The following PRRX2 variants were observed in gnomAD, a reference collection of about 807,000 sequenced individuals.
PRRX2 encodes paired related homeobox 2, also known as paired mesoderm homeobox protein 2.
In PRRX2, 11 loss-of-function variants were observed where a neutral mutation model predicts 18.0. That is an observed-to-expected ratio of 0.61 (90% CI 0.39 to 1.01). PRRX2 has a LOEUF of 1.01. Ranked by LOEUF, PRRX2 falls within the 50% of genes least tolerant of loss-of-function variation. The probability of loss-of-function intolerance (pLI) is 0.01; values close to 1 mark genes in which losing one functional copy is unlikely to be tolerated. For missense variants in PRRX2, 387 were observed against 351.0 expected (o/e 1.10, Z -0.82); for synonymous variants, 177 against 154.8 (o/e 1.14, Z -1.06).
rs1832701699 is a variant in PRRX2, at chr9:129,715,965, G to A, written c.260-3266G>A. 6.6e-6 allele frequency among the ~76,000 whole-genome samples: 1 copy of A among 152,160 alleles called. No homozygotes were observed. The highest frequency in any genetic ancestry group is 2.1e-4 in the South Asian group (1 of 4,832). ...TAACAGTTCACTGAACAAATGCCCA[G>A]TACTGTGCAAAGAACATCGGGTGTA... On this transcript the variant is annotated intron_variant, in intron 1 of 3. Coordinates refer to ENST00000372469, the MANE Select transcript of PRRX2 (RefSeq NM_016307.4). The surrounding 1 kb of genome is among the most constrained non-coding windows in gnomAD (Gnocchi z 4.0).
At chr9:129,672,667 G>A (rs944273871) in intron 1 of PRRX2, among the ~76,000 whole-genome samples, 5 of 152,176 alleles carry the variant, frequency 3.3e-5, no homozygotes, top group Admixed American at 6.5e-5. Flanking sequence ...AGGGAGATGG[G>A]TCAGGCCTGG....
intron 1 of PRRX2, among the ~76,000 whole-genome samples, chr9:129,701,609 C>G (rs570812220): frequency 6.6e-6 from 1 of 152,236 alleles, no homozygotes; most frequent in African/African-American, 2.4e-5. Flanking sequence ...TGCAACCATA[C>G]GCAGCATCCC....
Position 129,721,240 on chromosome 9 carries a change from G to A in PRRX2, c.626+466G>A, listed in dbSNP as rs182639550. 2.1e-3 allele frequency among the ~76,000 whole-genome samples: 316 copies of A among 152,282 alleles called. 1 individual carries two copies. The highest frequency in any genetic ancestry group is 7.1e-3 in the African/African-American group (294 of 41,556). On this transcript the variant is annotated intron_variant, in intron 3 of 3. Coordinates refer to ENST00000372469, the MANE Select transcript of PRRX2 (RefSeq NM_016307.4). ...AGCGCCCTGTGTCCACCCTCCAGAC[G>A]AGAAACTGACGCTGGGAGGGCTGAG... is the stretch of plus-strand genomic sequence containing the variant.
At chr9:129,678,059 G>A (rs1372111347) in intron 1 of PRRX2, among the ~76,000 whole-genome samples, 2 of 150,080 alleles carry the variant, frequency 1.3e-5, no homozygotes, top group South Asian at 4.2e-4. Flanking sequence ...CGCCTCCAGG[G>A]TTCAGGTGAT....
intron 1 of PRRX2, among the ~76,000 whole-genome samples, chr9:129,702,472 G>A (rs1009605932): frequency 1.3e-5 from 2 of 152,168 alleles, no homozygotes; most frequent in East Asian, 1.9e-4. Context: ...CCAATGTGGC[G>A]GCCACTGGCC....
chr9:129,713,628 TTTTC>T (rs1368971728), intron 1 of PRRX2, among the ~76,000 whole-genome samples: 9 of 151,634 alleles, frequency 5.9e-5, no homozygotes, highest in Non-Finnish European at 1.3e-4. Flanking sequence ...TCTTCCTTTT[TTTTC>T]TTTCTTTTTT....
intron 1 of PRRX2, among the ~76,000 whole-genome samples, chr9:129,698,682 G>A (rs1832459508): frequency 6.6e-6 from 1 of 152,214 alleles, no homozygotes; most frequent in Non-Finnish European, 1.5e-5. Context: ...CTGGGTGGAC[G>A]CCCCCTCACG....
intron 1 of PRRX2, among the ~76,000 whole-genome samples, chr9:129,706,607 A>G (rs1424803659): frequency 1.3e-5 from 2 of 152,082 alleles, no homozygotes; most frequent in African/African-American, 4.8e-5. Flanking sequence ...GCATGCCTGT[A>G]GTTCCAGCTA....
rs1377624076 is a variant in PRRX2 at position 129,720,765 on chromosome 9, C to T, written c.617C>T (p.Ser206Phe). The T allele has an allele frequency of 3.1e-6, 5 of 1,593,980 alleles. No individual in the cohort carries two copies. The African/African-American group carries it at 4.0e-5, about 13-fold the overall frequency. Residue 206 changes from serine (S) to phenylalanine (F), a missense_variant, in exon 3 of 4, where the codon TCC (serine) becomes TTC (phenylalanine). Transcript: ENST00000372469. Reference sequence around the variant, plus strand: ...GATTATCTCTCCTGGACAGCCTCGTCCCCCTACAGGTGAGAGCGGGAACAC... The same window carrying T: ...GATTATCTCTCCTGGACAGCCTCGTTCCCCTACAGGTGAGAGCGGGAACAC... ...SPDYLSWTAS[S>F]PYSTVPPYSP...
intron 1 of PRRX2, among the ~76,000 whole-genome samples, chr9:129,687,605 C>T (rs988055017): frequency 3.3e-5 from 5 of 152,224 alleles, no homozygotes; most frequent in African/African-American, 1.2e-4. Context: ...GGGTGGTGCT[C>T]AGTAAATGCT....
In PRRX2 at chr9:129,709,408, C is replaced by G. The variant is rs1832593392; in HGVS notation, c.260-9823C>G. Among the ~76,000 whole-genome samples the G allele has an allele frequency of 6.6e-6, 1 of 152,162 alleles. No individual in the cohort carries two copies. Among genetic ancestry groups the G allele is most frequent in the African/African-American group, 2.4e-5 (1 of 41,450 alleles). Reference sequence around the variant, plus strand: ...AACCTCCTCCAGCCTCCTCCAAACTCCAGGGTCATCCTGAGCCTGCGGAGG... The same window carrying G: ...AACCTCCTCCAGCCTCCTCCAAACTGCAGGGTCATCCTGAGCCTGCGGAGG... On this transcript the variant is annotated intron_variant, in intron 1 of 3. Coordinates refer to ENST00000372469, the MANE Select transcript of PRRX2 (RefSeq NM_016307.4). This position sits in a 1 kb window ranked among gnomAD's most constrained non-coding sequence, Gnocchi z 4.2.
Position 129,720,642 on chromosome 9 carries a change from C to G in PRRX2, c.494C>G (p.Ala165Gly), listed in dbSNP as rs1410284010. The change falls in exon 3 of 4, where the codon GCC (alanine) becomes GGC (glycine). Residue 165 changes from alanine (A) to glycine (G), a missense_variant. Transcript: ENST00000372469. The part of the protein sequence containing the change: ...RRAKFRRNER[A>G]MLASRSASLL... Reference sequence around the variant, plus strand: ...GCCAAGTTCCGCAGGAATGAAAGGGCCATGCTGGCCAGCCGCTCTGCCTCG... The same window carrying G: ...GCCAAGTTCCGCAGGAATGAAAGGGGCATGCTGGCCAGCCGCTCTGCCTCG... 8.1e-6 allele frequency: 13 copies of G among 1,612,996 alleles called. No individual in the cohort carries two copies. In the South Asian group the frequency reaches 1.4e-4, roughly 18 times the overall value.
chr9:129,673,537 ATTT>A (rs1310788355), intron 1 of PRRX2, among the ~76,000 whole-genome samples: 1 of 152,000 alleles, frequency 6.6e-6, no homozygotes, highest in Non-Finnish European at 1.5e-5. Context: ...TATTGCCCCT[ATTT>A]TTCTCATTTT....
chr9:129,683,104 T>TA (rs529294010), intron 1 of PRRX2, among the ~76,000 whole-genome samples: 97 of 144,128 alleles, frequency 6.7e-4, no homozygotes, highest in African/African-American at 1.5e-3. Context: ...AGACTCTGTC[T>TA]AAAAAAAAAA....
chr9:129,669,809 C>G (rs1288118546), intron 1 of PRRX2, among the ~76,000 whole-genome samples: 1 of 151,944 alleles, frequency 6.6e-6, no homozygotes, highest in East Asian at 1.9e-4. Context: ...GACTGGCAGA[C>G]CTACCTTCAA....
chr9:129,686,628 C>T (rs1215108406), intron 1 of PRRX2, among the ~76,000 whole-genome samples: 1 of 152,216 alleles, frequency 6.6e-6, no homozygotes, highest in African/African-American at 2.4e-5. Flanking sequence ...CCTCCCACCT[C>T]AGCCTCCTAA....
intron 1 of PRRX2, among the ~76,000 whole-genome samples, chr9:129,677,622 C>G (rs1428463465): frequency 6.6e-6 from 1 of 152,200 alleles, no homozygotes; most frequent in Non-Finnish European, 1.5e-5. Context: ...CGGGGAGGCT[C>G]CAGGCCTTGC....
rs542165234 is a variant in PRRX2, at chr9:129,667,484, C to T, written c.259+1358C>T. Among the ~76,000 whole-genome samples, 4 of 151,942 alleles carry T rather than the reference C, an allele frequency of 2.6e-5. No individual in the cohort carries two copies. In the South Asian group the frequency reaches 8.3e-4, roughly 32 times the overall value. On this transcript the variant is annotated intron_variant, in intron 1 of 3. Coordinates refer to ENST00000372469, the MANE Select transcript of PRRX2 (RefSeq NM_016307.4). The stretch of plus-strand genomic sequence containing the variant: ...CGGTTTACCCTGATGAAGGGAGACT[C>T]CAGGGGTTGGGAAGAGAAGGAGGAA...
chr9:129,703,817 C>T lies in PRRX2; in HGVS notation c.260-15414C>T, dbSNP rs113096372. 2.8e-3 allele frequency among the ~76,000 whole-genome samples: 423 copies of T among 152,264 alleles called. 4 individuals carry two copies. The highest frequency in any genetic ancestry group is 9.5e-3 in the African/African-American group (394 of 41,522). On this transcript the variant is annotated intron_variant, in intron 1 of 3. Transcript: ENST00000372469. ...CAGACTCACATTTTCCAGCACTGCC[C>T]GGAACTCACAAATGGGTCATAGAAA...
Sources: allele counts gnomAD v4.1 joint callset (sites outside exome capture counted in the v4.1 genomes callset), GRCh38; gene constraint gnomAD v4.1.1; non-coding constraint Gnocchi (gnomAD v3.1); transcripts MANE v1.5; gene names NCBI Gene and HGNC (gene_info 2026-07-23, HGNC 2026-07-21).